The following TRAIP variants were observed in gnomAD, a reference collection of about 807,000 sequenced individuals.
The protein encoded by TRAIP is TRAF interacting protein, also known as E3 ubiquitin-protein ligase TRAIP.
Under a neutral mutation model 65.0 loss-of-function variants are expected in TRAIP, and 37 were observed. The ratio of observed to expected loss-of-function variants is 0.57; its 90% CI spans 0.44 to 0.75. TRAIP has a LOEUF of 0.75. Among genes scored for constraint, TRAIP ranks in the 30% least tolerant of loss-of-function variants. The probability of loss-of-function intolerance (pLI) is 0.00; values close to 1 mark genes in which losing one functional copy is unlikely to be tolerated. For missense variants in TRAIP, 481 were observed against 579.4 expected, an observed-to-expected ratio of 0.83 and a Z score of 1.74; for synonymous variants, 187 against 219.1, an observed-to-expected ratio of 0.85 and a Z score of 1.29.
At chr3:49,841,662 G>A (rs1287113138) in intron 7 of TRAIP, among the ~76,000 whole-genome samples, 164 bp downstream of exon 7, 1 of 152,262 alleles carries the variant, frequency 6.6e-6, no homozygotes, top group East Asian at 1.9e-4. Flanking sequence ...CTGGCAGCAG[G>A]CCACATAGTT....
intron 4 of TRAIP, among the ~76,000 whole-genome samples, chr3:49,844,260 G>A (rs1315791307): frequency 2.0e-5 from 3 of 152,082 alleles, no homozygotes; most frequent in Admixed American, 6.6e-5. Flanking sequence ...GCCCTCTCCC[G>A]AAGATATTCA....
chr3:49,841,773 TG>T, intron 7 of TRAIP, 52 bp downstream of exon 7: 1 of 1,473,308 alleles, frequency 6.8e-7, no homozygotes, highest in Non-Finnish European at 9.5e-7. Flanking sequence ...ATGACACGGC[TG>T]GGGCCCCATG....
At chr3:49,845,101 A>G (rs1196123829) in intron 3 of TRAIP, among the ~76,000 whole-genome samples, 2 of 152,192 alleles carry the variant, frequency 1.3e-5, no homozygotes, top group Admixed American at 6.5e-5. Flanking sequence ...CTAGTATCCA[A>G]TGGAGGTAGC....
intron 3 of TRAIP, among the ~76,000 whole-genome samples, chr3:49,845,940 C>T (rs2081878816): frequency 6.6e-6 from 1 of 152,170 alleles, no homozygotes; most frequent in African/African-American, 2.4e-5. Flanking sequence ...GCCAAATGAA[C>T]TCTGATCTGA....
chr3:49,830,020 C>A lies in TRAIP; in HGVS notation c.1086G>T (p.Lys362Asn). 6.2e-7 allele frequency: 1 copy of A among 1,614,188 alleles called. No individual in the cohort carries two copies. The highest frequency in any genetic ancestry group is 1.1e-5 in the South Asian group (1 of 91,084). ...VPKKICKGPR[K>N]ESQLSLGGQS... ...TGTGCTTCTTCTAGAAAGCTCTTAC[C>A]TTCCTGGGGCCTTTGCATATCTTCT... The change falls in exon 12 of 15, where the codon AAG becomes AAT. Residue 362 changes from lysine (K) to asparagine (N), a missense_variant and splice_region_variant. Transcript: ENST00000331456.
intron 1 of TRAIP, among the ~76,000 whole-genome samples, chr3:49,853,369 C>A (rs2081949122): frequency 6.6e-6 from 1 of 152,036 alleles, no homozygotes; most frequent in African/African-American, 2.4e-5. Flanking sequence ...CTTTGGAAGG[C>A]CAAGGCAGGA....
At chr3:49,856,307 T>C in intron 1 of TRAIP, 49 bp downstream of exon 1, 1 of 1,546,262 alleles carries the variant, frequency 6.5e-7, no homozygotes, top group South Asian at 1.1e-5. Flanking sequence ...CTCAAGGCCC[T>C]GAAGCGGTAC....
At chr3:49,833,265 C>T (rs2081751467) in intron 10 of TRAIP, among the ~76,000 whole-genome samples, 1 of 152,160 alleles carries the variant, frequency 6.6e-6, no homozygotes, top group Non-Finnish European at 1.5e-5. Flanking sequence ...AAATTTTACC[C>T]TCCAGGTGGC....
intron 12 of TRAIP, 74 bp downstream of exon 12, chr3:49,829,946 C>T: frequency 1.2e-6 from 2 of 1,600,654 alleles, no homozygotes; most frequent in Non-Finnish European, 1.7e-6. Flanking sequence ...TGACAAGGCT[C>T]TGGCAAGACC....
At chr3:49,830,108 G>C in intron 11 of TRAIP, 40 bp from the exon 12 acceptor site, 3 of 1,608,928 alleles carry the variant, frequency 1.9e-6, no homozygotes, top group Non-Finnish European at 2.6e-6. Flanking sequence ...AGGTAAGCAA[G>C]ACATGGGGGC....
intron 1 of TRAIP, among the ~76,000 whole-genome samples, chr3:49,850,035 A>T (rs1156371489): frequency 6.6e-6 from 1 of 151,402 alleles, no homozygotes; most frequent in African/African-American, 2.4e-5. Flanking sequence ...GTTTTCAAAT[A>T]CCATGTACAA....
At chr3:49,836,400 G>C (rs2081786696) in intron 10 of TRAIP, among the ~76,000 whole-genome samples, 1 of 152,048 alleles carries the variant, frequency 6.6e-6, no homozygotes, top group South Asian at 2.1e-4. Flanking sequence ...GTTGAGGCAG[G>C]AGAATCTCTT....
At chr3:49,840,260 T>C in intron 9 of TRAIP, 24 bp downstream of exon 9, 1 of 1,609,068 alleles carries the variant, frequency 6.2e-7, no homozygotes, top group South Asian at 1.1e-5. Flanking sequence ...CCCTCATTCC[T>C]GTCAAGCCAG....
At chr3:49,835,443 T>C (rs1242172921) in intron 10 of TRAIP, among the ~76,000 whole-genome samples, 4 of 152,134 alleles carry the variant, frequency 2.6e-5, no homozygotes, top group Admixed American at 6.5e-5. Context: ...TATTGTTTAA[T>C]GGGTATAGAA....
chr3:49,848,105 T>A (rs1218978059), intron 2 of TRAIP, 38 bp downstream of exon 2: 1 of 1,608,974 alleles, frequency 6.2e-7, no homozygotes, highest in Admixed American at 1.7e-5. Context: ...GCTAAGGAGA[T>A]CTCTTCAGTT....
chr3:49,838,529 G>C (rs569472382), intron 10 of TRAIP, among the ~76,000 whole-genome samples: 1 of 152,216 alleles, frequency 6.6e-6, no homozygotes, highest in South Asian at 2.1e-4. Context: ...CCATGCAGTG[G>C]GCACTCATCA....
At chr3:49,839,414 G>A (rs1360803765) in intron 10 of TRAIP, among the ~76,000 whole-genome samples, 1 of 152,088 alleles carries the variant, frequency 6.6e-6, no homozygotes, top group Non-Finnish European at 1.5e-5. Context: ...TTTAAAGCAC[G>A]CACTCCTGGC....
rs1357186184 is a variant in TRAIP at position 49,844,395 on chromosome 3, C to A, written c.280+146G>T. On this transcript the variant is annotated intron_variant, in intron 4 of 14. Coordinates refer to ENST00000331456, the MANE Select transcript of TRAIP (RefSeq NM_005879.3). ...CCCTTCCCTCTCTTTTTCTGCCCAC[C>A]ACAACAGCTAGCAGGACTCTTGGAC... 4.5e-6 allele frequency: 4 copies of A among 881,044 alleles called. No individual in the cohort carries two copies. The Admixed American group carries it at 6.8e-5, about 15-fold the overall frequency. 54.6% of individuals were successfully genotyped at this position (881,044 alleles called of 1,614,324 possible).
chr3:49,840,434 C>T lies in TRAIP; in HGVS notation c.706-61G>A. 2.2e-6 allele frequency: 3 copies of T among 1,378,630 alleles called. No individual in the cohort carries two copies. The Admixed American group carries it at 5.0e-5, about 23-fold the overall frequency. The allele number at this position is 1,378,630 out of a possible 1,614,324, so 85.4% of individuals were successfully genotyped here. ...GTGGTAGCCTTGTGCCCTGCCCCCT[C>T]CTGCTGCTCCCCAGGGAGTGATCAA... is the stretch of plus-strand genomic sequence containing the variant. On this transcript the variant is annotated intron_variant, in intron 8 of 14. Transcript: ENST00000331456.
Sources: gnomAD v4.1 joint callset for allele counts (sites outside exome capture counted in the v4.1 genomes callset) on GRCh38, gnomAD v4.1.1 for gene constraint, MANE v1.5 for transcripts, NCBI Gene and HGNC (gene_info 2026-07-23, HGNC 2026-07-21) for gene names.